PDE4D: variants seen among roughly 807,000 people sequenced by gnomAD.
PDE4D encodes the protein phosphodiesterase 4D, also known as 3',5'-cyclic-AMP phosphodiesterase 4D.
PDE4D carries 24 observed loss-of-function variants against 87.4 expected under a neutral mutation model. The ratio of observed to expected loss-of-function variants is 0.27; its 90% CI spans 0.20 to 0.39. The LOEUF is 0.39. Among genes scored for constraint, PDE4D ranks in the 10% least tolerant of loss-of-function variants. The probability of loss-of-function intolerance (pLI) is 1.00; values close to 1 mark genes in which losing one functional copy is unlikely to be tolerated. For missense variants in PDE4D, 714 were observed against 1,041.0 expected (o/e 0.69, Z 4.32); for synonymous variants, 384 against 383.2 (o/e 1.00, Z -0.02).
At chr5:59,786,020 T>A (rs377464221) in intron 1 of PDE4D, among the ~76,000 whole-genome samples, 5 of 152,010 alleles carry the variant, frequency 3.3e-5, no homozygotes, top group African/African-American at 9.7e-5. Flanking sequence ...GAACTGGCAG[T>A]GTTTCTTCTG....
At chr5:59,885,174 G>T (rs1173207221) in intron 1 of PDE4D, among the ~76,000 whole-genome samples, 1 of 151,958 alleles carries the variant, frequency 6.6e-6, no homozygotes. Context: ...CATTTATCCA[G>T]TTGGTTGAAT....
intron 1 of PDE4D, among the ~76,000 whole-genome samples, chr5:59,557,063 G>A (rs1369310598): frequency 2.0e-5 from 3 of 152,042 alleles, no homozygotes; most frequent in East Asian, 1.9e-4. Context: ...AAAGGAATAC[G>A]AGTAAAATGA....
intron 1 of PDE4D, among the ~76,000 whole-genome samples, chr5:60,268,518 T>C (rs1195657000): frequency 6.6e-6 from 1 of 152,228 alleles, no homozygotes; most frequent in East Asian, 1.9e-4. Flanking sequence ...TAGCACATAA[T>C]GAAGGGCATT....
chr5:59,293,195 C>G (rs1768384345), intron 1 of PDE4D, among the ~76,000 whole-genome samples: 1 of 152,004 alleles, frequency 6.6e-6, no homozygotes, highest in Non-Finnish European at 1.5e-5. Context: ...TATGAATGAC[C>G]AAACTAAAGC....
At chr5:59,324,837 A>T (rs944343892) in intron 1 of PDE4D, among the ~76,000 whole-genome samples, 1 of 152,152 alleles carries the variant, frequency 6.6e-6, no homozygotes, top group African/African-American at 2.4e-5. Flanking sequence ...ACACATGTCT[A>T]TCTTCCTCAC....
intron 1 of PDE4D, among the ~76,000 whole-genome samples, chr5:60,277,136 AATG>A (rs1751456895): frequency 6.6e-6 from 1 of 152,026 alleles, no homozygotes; most frequent in Non-Finnish European, 1.5e-5. Context: ...TACATAATAA[AATG>A]ATTACTACAG....
intron 1 of PDE4D, among the ~76,000 whole-genome samples, chr5:60,387,154 A>T (rs758777528): frequency 6.6e-6 from 1 of 152,230 alleles, no homozygotes; most frequent in Non-Finnish European, 1.5e-5. Flanking sequence ...TAACAAGGAC[A>T]AGGTGATCTG....
chr5:59,795,921 G>GAGGA (rs1267742533), intron 1 of PDE4D, among the ~76,000 whole-genome samples: 2 of 152,160 alleles, frequency 1.3e-5, no homozygotes, highest in Non-Finnish European at 2.9e-5. Flanking sequence ...ACATATGCAG[G>GAGGA]AGGAAGGCAC....
At chr5:59,252,166 A>G (rs35306) in intron 1 of PDE4D, among the ~76,000 whole-genome samples, 60,516 of 151,962 alleles carry the variant, frequency 0.4, 12,576 homozygotes, top group Non-Finnish European at 0.46. Flanking sequence ...GTACCCCCAA[A>G]CCTAAAATAA....
chr5:59,492,685 G>A (rs976459493), intron 1 of PDE4D, among the ~76,000 whole-genome samples: 3 of 152,098 alleles, frequency 2.0e-5, no homozygotes, highest in Non-Finnish European at 4.4e-5. Flanking sequence ...TTAGTGTAGG[G>A]AACTGATAGG....
At chr5:59,685,687 T>C (rs1170532139) in intron 1 of PDE4D, among the ~76,000 whole-genome samples, 1 of 152,156 alleles carries the variant, frequency 6.6e-6, no homozygotes, top group Non-Finnish European at 1.5e-5. Flanking sequence ...AATCTTCAAT[T>C]ATTTAACATA....
intron 1 of PDE4D, among the ~76,000 whole-genome samples, chr5:59,614,872 T>C (rs1829464501): frequency 6.6e-6 from 1 of 151,588 alleles, no homozygotes; most frequent in Non-Finnish European, 1.5e-5. Flanking sequence ...CTCTCTATCA[T>C]CTAGACCTGA....
chr5:59,338,293 A>G (rs1445803636), intron 1 of PDE4D, among the ~76,000 whole-genome samples: 2 of 152,202 alleles, frequency 1.3e-5, no homozygotes, highest in Non-Finnish European at 2.9e-5. Context: ...CACAGCAGAA[A>G]CAGAATCTCA....
intron 1 of PDE4D, among the ~76,000 whole-genome samples, chr5:59,578,008 G>A (rs1024895822): frequency 6.6e-6 from 1 of 152,064 alleles, no homozygotes; most frequent in African/African-American, 2.4e-5. Context: ...ACACTTTCAA[G>A]TAAGCTTCAT....
At chr5:59,327,101 G>T (rs1481583901) in intron 1 of PDE4D, among the ~76,000 whole-genome samples, 1 of 145,514 alleles carries the variant, frequency 6.9e-6, no homozygotes, top group Non-Finnish European at 1.5e-5. Flanking sequence ...TTATTATTCT[G>T]CTGTCTCATA....
chr5:60,457,504 G>T (rs1387145423), intron 1 of PDE4D, among the ~76,000 whole-genome samples: 1 of 152,166 alleles, frequency 6.6e-6, no homozygotes, highest in Non-Finnish European at 1.5e-5. Flanking sequence ...ATGTGCTTCT[G>T]CTACCTCAGT....
At chr5:59,128,921 T>A (rs1775893998) in intron 5 of PDE4D, among the ~76,000 whole-genome samples, 1 of 152,188 alleles carries the variant, frequency 6.6e-6, no homozygotes, top group South Asian at 2.1e-4. Flanking sequence ...GCCCAAAGGC[T>A]GCGTCATGCT....
At position 59,624,398 on chromosome 5, in the gene PDE4D, T is replaced by C. The variant is rs150609499; in HGVS notation, c.455+268770A>G. On this transcript the variant is annotated intron_variant, in intron 1 of 14. Coordinates refer to ENST00000340635, the MANE Select transcript of PDE4D (RefSeq NM_001104631.2). ...AAAGTTAAAAGATCTTCTCCCGAATTTGTCATTTTTTTTTCAGTCTCCTCC... is the reference window on the plus strand; with the variant it reads ...AAAGTTAAAAGATCTTCTCCCGAATCTGTCATTTTTTTTTCAGTCTCCTCC... 4.6e-5 allele frequency among the ~76,000 whole-genome samples: 7 copies of C among 152,290 alleles called. 1 individual carries two copies. Among genetic ancestry groups the C allele is most frequent in the African/African-American group, 1.4e-4 (6 of 41,564 alleles).
chr5:59,564,437 G>A (rs971281971), intron 1 of PDE4D, among the ~76,000 whole-genome samples: 14 of 152,302 alleles, frequency 9.2e-5, no homozygotes, highest in African/African-American at 3.4e-4. Flanking sequence ...TCAAAGCCAT[G>A]AAGAGTTGCC....
Sources: allele counts gnomAD v4.1 joint callset (sites outside exome capture counted in the v4.1 genomes callset), GRCh38; gene constraint gnomAD v4.1.1; transcripts MANE v1.5; gene names NCBI Gene and HGNC (gene_info 2026-07-23, HGNC 2026-07-21).